GK5: variants seen among roughly 807,000 people sequenced by gnomAD.
GK5 encodes the protein ATP:glycerol 3-phosphotransferase 5.
Under a neutral mutation model 77.3 loss-of-function variants are expected in GK5, and 39 were observed. The ratio of observed to expected loss-of-function variants is 0.50; its 90% confidence interval spans 0.39 to 0.66. The LOEUF (loss-of-function observed/expected upper bound fraction) is 0.66. Among genes scored for constraint, GK5 ranks in the 30% least tolerant of loss-of-function variants. GK5 has a pLI of 0.00. For synonymous variants in GK5, 211 were observed against 208.0 expected (o/e 1.01, Z -0.13); for missense variants, 487 against 633.8 (o/e 0.77, Z 2.49).
At position 142,185,277 on chromosome 3, in the gene GK5, G is replaced by A. The variant is rs984194229; in HGVS notation, c.816+652C>T. On this transcript the variant is annotated intron_variant, in intron 9 of 15. Transcript: ENST00000392993. ...AAATACAAAAAATTAGCCAGGTGTC[G>A]TGGCACACACCTGTGGTCTTGGCTA... 8 of 321,412 alleles carry A rather than the reference G, an allele frequency of 2.5e-5. No homozygotes were observed. In the East Asian group the frequency reaches 5.1e-4, roughly 20 times the overall value. 19.9% of individuals were successfully genotyped at this position (321,412 alleles called of 1,614,324 possible).
rs533071182 is a variant in GK5, at chr3:142,213,604, AAAAGT to A, written c.242-8_242-4del. 436 of 1,598,756 alleles carry A rather than the reference AAAAGT, an allele frequency of 2.7e-4. No individual in the cohort carries two copies. In the African/African-American group the frequency reaches 5.4e-3, roughly 20 times the overall value. On this transcript the variant is annotated splice_region_variant and splice_polypyrimidine_tract_variant and intron_variant, in intron 2 of 15. Coordinates refer to ENST00000392993, the MANE Select transcript of GK5 (RefSeq NM_001039547.3). Reference sequence around the variant, plus strand: ...TTGATTCATCTGTATTCCTGCAGCTAAAAGTAAAGATGGATAAAACACATGTTTTA... The same window carrying A: ...TTGATTCATCTGTATTCCTGCAGCTAAAAGATGGATAAAACACATGTTTTA...
Position 142,171,454 on chromosome 3 carries a change from C to T in GK5, c.1272G>A (p.Met424Ile). The T allele has an allele frequency of 6.1e-6, 9 of 1,466,622 alleles. No individual in the cohort carries two copies. The highest frequency in any genetic ancestry group is 2.5e-5 in the South Asian group (2 of 78,926). The allele number at this position is 1,466,622 out of a possible 1,614,324, so 90.9% of individuals were successfully genotyped here. The change falls in exon 14 of 16, where the codon ATG becomes ATA. Residue 424 changes from methionine to isoleucine, a missense_variant. By Grantham distance (10) the Met-to-Ile change is conservative. This residue lies in a region of GK5 where 323 missense variants were observed against 437.4 expected (regional missense o/e 0.74). Coordinates refer to ENST00000392993, the MANE Select transcript of GK5 (RefSeq NM_001039547.3). ...TTACAGGAATATGAATCTCTTTCTT[C>T]ATCATCTCATATAACTGTTTGTTTC... Reference protein sequence around the residue: ...AFRNKQLYEMMKKEIHIPVRK... With the variant: ...AFRNKQLYEMIKKEIHIPVRK...
chr3:142,169,669 C>CTTTTTTT (rs71304258), intron 15 of GK5, among the ~76,000 whole-genome samples: 7 of 116,926 alleles, frequency 6.0e-5, no homozygotes, highest in African/African-American at 1.0e-4. Flanking sequence ...CCTTACTGTT[C>CTTTTTTT]TTTTTTTTTT....
In GK5 at chr3:142,212,980, G is replaced by A. The variant is rs375422003; in HGVS notation, c.317+546C>T. On this transcript the variant is annotated intron_variant, in intron 3 of 15. Transcript: ENST00000392993. ...CTCCCGAGTAGCTGGGACTACAGGC[G>A]CTCGCCACCTCGCCCGGCTAATTTT... 7.3e-5 allele frequency among the ~76,000 whole-genome samples: 11 copies of A among 151,542 alleles called. No individual in the cohort carries two copies. In the South Asian group the frequency reaches 1.3e-3, roughly 17 times the overall value.
chr3:142,197,443 T>C (rs1376817597), intron 5 of GK5, among the ~76,000 whole-genome samples: 1 of 152,234 alleles, frequency 6.6e-6, no homozygotes, highest in African/African-American at 2.4e-5. Flanking sequence ...TCCAGCTTCT[T>C]ACAGTGACTG....
chr3:142,200,221 T>A (rs1166086849), intron 4 of GK5, among the ~76,000 whole-genome samples: 1 of 152,078 alleles, frequency 6.6e-6, no homozygotes, highest in Non-Finnish European at 1.5e-5. Context: ...AGTGCTGGAG[T>A]GCAATGGCGC....
chr3:142,218,377 CAAAAAAA>C (rs35885439), intron 1 of GK5, among the ~76,000 whole-genome samples: 1 of 126,076 alleles, frequency 7.9e-6, no homozygotes. Context: ...TACTAAAATA[CAAAAAAA>C]AAAAAAAAAA....
chr3:142,206,686 G>A (rs113228769), intron 3 of GK5, among the ~76,000 whole-genome samples: 9 of 152,208 alleles, frequency 5.9e-5, no homozygotes, highest in South Asian at 4.2e-4. Context: ...TACATGCTTC[G>A]AGGTTACAAT....
At chr3:142,211,489 T>C (rs752522733) in intron 3 of GK5, among the ~76,000 whole-genome samples, 11 of 151,854 alleles carry the variant, frequency 7.2e-5, no homozygotes, top group Non-Finnish European at 1.3e-4. Flanking sequence ...ATGCAGCATG[T>C]CCTGAAAAAA....
chr3:142,210,291 G>A (rs1264817328), intron 3 of GK5, among the ~76,000 whole-genome samples: 1 of 152,186 alleles, frequency 6.6e-6, no homozygotes, highest in Non-Finnish European at 1.5e-5. Context: ...GGGAGGAGGA[G>A]CTGCTGGCCA....
intron 1 of GK5, among the ~76,000 whole-genome samples, chr3:142,222,928 C>T (rs1301648361): frequency 1.3e-5 from 2 of 152,210 alleles, no homozygotes; most frequent in Admixed American, 6.5e-5. Context: ...CCAGCAGCCC[C>T]GTAACTACAC....
chr3:142,171,295 G>A, intron 14 of GK5, 124 bp downstream of exon 14: 1 of 885,034 alleles, frequency 1.1e-6, no homozygotes, highest in Non-Finnish European at 1.6e-6. Context: ...AATTATTTTT[G>A]AAATCCTCAA....
intron 5 of GK5, among the ~76,000 whole-genome samples, chr3:142,193,055 CT>C (rs1479590442): frequency 3.9e-5 from 6 of 152,008 alleles, no homozygotes; most frequent in Non-Finnish European, 8.8e-5. Context: ...GACAGTGAAA[CT>C]ACAGTGTATA....
chr3:142,214,175 G>A (rs2064238748), intron 2 of GK5, among the ~76,000 whole-genome samples: 1 of 151,866 alleles, frequency 6.6e-6, no homozygotes, highest in Non-Finnish European at 1.5e-5. Context: ...TAGGTGCTGG[G>A]AAAAAAACAA....
chr3:142,197,221 T>C (rs1046608121), intron 5 of GK5, among the ~76,000 whole-genome samples: 1 of 152,090 alleles, frequency 6.6e-6, no homozygotes. Flanking sequence ...AGTGGGGTAC[T>C]GAAGTCTCCA....
chr3:142,193,897 T>C (rs1324343378), intron 5 of GK5, among the ~76,000 whole-genome samples: 1 of 151,996 alleles, frequency 6.6e-6, no homozygotes, highest in Non-Finnish European at 1.5e-5. Flanking sequence ...TCCACCACTA[T>C]GTCTGGCTAA....
intron 12 of GK5, among the ~76,000 whole-genome samples, chr3:142,175,006 A>C (rs1367912977): frequency 6.6e-6 from 1 of 152,194 alleles, no homozygotes; most frequent in African/African-American, 2.4e-5. Context: ...CACAGAGCAA[A>C]GCTGGTAATG....
In GK5 at chr3:142,177,578, T is replaced by C; in HGVS notation, c.1049-2A>G. 1 of 1,592,478 alleles carries C rather than the reference T, an allele frequency of 6.3e-7. No individual in the cohort carries two copies. Among genetic ancestry groups the C allele is most frequent in the Non-Finnish European group, 8.6e-7 (1 of 1,165,954 alleles). On this transcript the variant is annotated splice_acceptor_variant, in intron 11 of 15. Coordinates refer to ENST00000392993, the MANE Select transcript of GK5 (RefSeq NM_001039547.3). LOFTEE classifies it high-confidence loss of function. ...TCTCAGCAGCATCTGTGAAAAGGTC[T>C]GCAAAAACAAACAAACAACAAAAAA...
At chr3:142,201,367 A>T (rs999874044) in intron 4 of GK5, among the ~76,000 whole-genome samples, 2 of 152,242 alleles carry the variant, frequency 1.3e-5, no homozygotes, top group South Asian at 4.1e-4. Context: ...AAGTGAAAAA[A>T]GCAAATCCCA....
Sources: allele counts gnomAD v4.1 joint callset (sites outside exome capture counted in the v4.1 genomes callset), GRCh38; gene constraint gnomAD v4.1.1; regional missense constraint gnomAD v4.1.1; transcripts MANE v1.5; gene names NCBI Gene and HGNC (gene_info 2026-07-23, HGNC 2026-07-21).